OLA1: variants seen among roughly 807,000 people sequenced by gnomAD.
The protein encoded by OLA1 is obg-like ATPase 1.
In OLA1, 14 loss-of-function variants were observed where a neutral mutation model predicts 48.4. That is an observed-to-expected ratio of 0.29 (90% CI 0.19 to 0.45). The LOEUF (loss-of-function observed/expected upper bound fraction) is 0.45, where lower values mean the gene tolerates loss of function less well. Among genes scored for constraint, OLA1 ranks in the 20% least tolerant of loss-of-function variants. The probability of loss-of-function intolerance (pLI) is 1.00; values close to 1 mark genes in which losing one functional copy is unlikely to be tolerated. For missense variants in OLA1, 325 were observed against 467.1 expected (o/e 0.70, Z 2.80); for synonymous variants, 127 against 150.4 (o/e 0.84, Z 1.14).
chr2:174,182,399 G>A (rs1256763262), intron 4 of OLA1, among the ~76,000 whole-genome samples: 1 of 152,074 alleles, frequency 6.6e-6, no homozygotes, highest in African/African-American at 2.4e-5. Context: ...GGTGGCACAT[G>A]CCTGTAATTC....
At chr2:174,088,345 T>C (rs966389318) in intron 7 of OLA1, among the ~76,000 whole-genome samples, 1 of 152,224 alleles carries the variant, frequency 6.6e-6, no homozygotes, top group Admixed American at 6.5e-5. Context: ...CTTCAAGATA[T>C]CAGAGTCCTC....
At chr2:174,210,823 A>G (rs531028538) in intron 4 of OLA1, among the ~76,000 whole-genome samples, 18 of 152,342 alleles carry the variant, frequency 1.2e-4, no homozygotes, top group Non-Finnish European at 2.4e-4. Context: ...TATAAAGACA[A>G]TAAGATTGCT....
chr2:174,139,864 C>CAAAA (rs1162058790), intron 5 of OLA1, among the ~76,000 whole-genome samples: 12 of 76,534 alleles, frequency 1.6e-4, no homozygotes, highest in Admixed American at 2.8e-4. Flanking sequence ...GACTCAGTCT[C>CAAAA]AAAAAAAAAA....
In OLA1 at chr2:174,123,257, GT is replaced by G. The variant is rs747679499; in HGVS notation, c.650del (p.His217ProfsTer4). On this transcript the variant is annotated frameshift_variant, in exon 7 of 11. Coordinates refer to ENST00000284719, the MANE Select transcript of OLA1 (RefSeq NM_013341.5). LOFTEE classifies it high-confidence loss of function. ...CCATTGGTTTTGAAGTCAAAAATAA[GT>G]GTTTATTCAACACTTCAATCTAAAG... is the stretch of plus-strand genomic sequence containing the variant. ...NDKEIEVLNK[H>X]LFLTSKPMVY... The G allele has an allele frequency of 3.2e-6, 5 of 1,548,162 alleles. No homozygotes were observed. The highest frequency in any genetic ancestry group is 4.4e-6 in the Non-Finnish European group (5 of 1,130,702).
At chr2:174,171,378 C>T (rs1195979336) in intron 4 of OLA1, among the ~76,000 whole-genome samples, 8 of 152,038 alleles carry the variant, frequency 5.3e-5, no homozygotes, top group African/African-American at 1.7e-4. Flanking sequence ...AGCCAAAAGA[C>T]AAGTTTCAAA....
chr2:174,142,866 T>G (rs1270077105), intron 4 of OLA1, among the ~76,000 whole-genome samples: 2 of 152,162 alleles, frequency 1.3e-5, no homozygotes, highest in Non-Finnish European at 2.9e-5. Flanking sequence ...CAATGATATA[T>G]CCACCAAACA....
chr2:174,205,910 GC>G (rs1688103008), intron 4 of OLA1, among the ~76,000 whole-genome samples: 1 of 152,148 alleles, frequency 6.6e-6, no homozygotes, highest in Admixed American at 6.5e-5. Context: ...AGCCCATAGA[GC>G]CTTAGAGCCC....
chr2:174,111,349 T>G (rs920181060), intron 7 of OLA1, among the ~76,000 whole-genome samples: 7 of 152,214 alleles, frequency 4.6e-5, no homozygotes, highest in Admixed American at 3.9e-4. Flanking sequence ...ATAAAATGTT[T>G]TATACTTTCT....
intron 7 of OLA1, among the ~76,000 whole-genome samples, chr2:174,097,020 G>C (rs563783300): frequency 7.9e-5 from 12 of 152,272 alleles, no homozygotes; most frequent in African/African-American, 2.2e-4. Flanking sequence ...GCCGGGCGTG[G>C]TGGCAGGTGC....
At chr2:174,111,941 T>C (rs1685661908) in intron 7 of OLA1, among the ~76,000 whole-genome samples, 1 of 152,174 alleles carries the variant, frequency 6.6e-6, no homozygotes, top group Admixed American at 6.5e-5. Flanking sequence ...GGCTATTAAA[T>C]TGGAAAATAG....
intron 4 of OLA1, among the ~76,000 whole-genome samples, chr2:174,206,013 T>C (rs914897794): frequency 7.9e-5 from 12 of 152,138 alleles, no homozygotes; most frequent in Non-Finnish European, 1.3e-4. Flanking sequence ...GTAGGAAAAC[T>C]GTATCTGGCA....
At chr2:174,077,363 TACAC>T (rs758575734) in intron 10 of OLA1, among the ~76,000 whole-genome samples, 6 of 150,064 alleles carry the variant, frequency 4.0e-5, no homozygotes, top group East Asian at 1.9e-4. Flanking sequence ...CATACATACA[TACAC>T]ACACATATAC....
At chr2:174,247,514 T>C (rs1056983239) in intron 1 of OLA1, among the ~76,000 whole-genome samples, 1 of 152,172 alleles carries the variant, frequency 6.6e-6, no homozygotes, top group African/African-American at 2.4e-5. Context: ...AAGAAAGCAT[T>C]TGGAAGCAAG....
chr2:174,110,589 T>G (rs576028893), intron 7 of OLA1, among the ~76,000 whole-genome samples: 18 of 151,586 alleles, frequency 1.2e-4, no homozygotes, highest in Non-Finnish European at 1.3e-4. Flanking sequence ...GGACTACAGG[T>G]GCAGGCCATC....
At chr2:174,077,933 ATATC>A (rs1388815767) in intron 10 of OLA1, among the ~76,000 whole-genome samples, 7 of 152,128 alleles carry the variant, frequency 4.6e-5, no homozygotes, top group African/African-American at 1.7e-4. Flanking sequence ...ACACCTACCT[ATATC>A]TATACAGATG....
intron 4 of OLA1, among the ~76,000 whole-genome samples, chr2:174,168,004 G>C (rs1687205666): frequency 6.6e-6 from 1 of 152,194 alleles, no homozygotes; most frequent in African/African-American, 2.4e-5. Flanking sequence ...AGCTGCACTG[G>C]AGAGCAAAGG....
At chr2:174,247,655 T>C (rs903115739) in intron 1 of OLA1, 25 of 1,550,746 alleles carry the variant, frequency 1.6e-5, no homozygotes, top group Non-Finnish European at 2.1e-5. Context: ...ATTTTTCACA[T>C]AGATGAACAC....
At chr2:174,132,574 T>C (rs995328517) in intron 5 of OLA1, among the ~76,000 whole-genome samples, 1 of 152,178 alleles carries the variant, frequency 6.6e-6, no homozygotes, top group Non-Finnish European at 1.5e-5. Context: ...TTTCTTTCCA[T>C]AGTGATTTCT....
chr2:174,134,934 G>A (rs1044763960), intron 5 of OLA1, among the ~76,000 whole-genome samples: 11 of 152,090 alleles, frequency 7.2e-5, no homozygotes, highest in Non-Finnish European at 1.6e-4. Context: ...GGCTGAGGCC[G>A]GCGGATCACA....
Sources: allele counts gnomAD v4.1 joint callset (sites outside exome capture counted in the v4.1 genomes callset), GRCh38; gene constraint gnomAD v4.1.1; transcripts MANE v1.5; gene names NCBI Gene and HGNC (gene_info 2026-07-23, HGNC 2026-07-21).